Variants in ANAPC7 observed in about 807,000 individuals in gnomAD.
The protein encoded by ANAPC7 is anaphase promoting complex subunit 7.
ANAPC7 carries 25 observed loss-of-function variants against 63.3 expected under a neutral mutation model. The observed-to-expected ratio is 0.39, with a 90% CI of 0.29 to 0.55. The LOEUF (loss-of-function observed/expected upper bound fraction) is 0.55. ANAPC7 is among the 20% of genes least tolerant of loss of function. ANAPC7 has a pLI of 0.57. For synonymous variants in ANAPC7, 241 were observed against 251.7 expected (o/e 0.96, Z 0.40); for missense variants, 516 against 691.7 (o/e 0.75, Z 2.85).
intron 3 of ANAPC7, among the ~76,000 whole-genome samples, chr12:110,390,191 C>G (rs924028942): frequency 4.0e-5 from 6 of 151,824 alleles, no homozygotes; most frequent in African/African-American, 1.5e-4. Flanking sequence ...GCCTCAGCCT[C>G]CTGAGTAGCT....
chr12:110,396,158 A>G, intron 2 of ANAPC7, 108 bp downstream of exon 2: 1 of 960,430 alleles, frequency 1.0e-6, no homozygotes, highest in Non-Finnish European at 1.6e-6. Context: ...CCTGCTGTGC[A>G]GCCTGGTTCC....
intron 1 of ANAPC7, among the ~76,000 whole-genome samples, 166 bp downstream of exon 1, chr12:110,403,361 T>C (rs895345776): frequency 6.6e-6 from 1 of 152,000 alleles, no homozygotes; most frequent in African/African-American, 2.4e-5. Context: ...TGAACCCAAC[T>C]TGCGCTCCGA....
At chr12:110,384,518 T>C (rs1202464171) in intron 6 of ANAPC7, among the ~76,000 whole-genome samples, 1 of 151,220 alleles carries the variant, frequency 6.6e-6, no homozygotes, top group Non-Finnish European at 1.5e-5. Flanking sequence ...AAACCCCATC[T>C]CTACTAAAAA....
chr12:110,392,498 C>T (rs1033884704), intron 3 of ANAPC7, among the ~76,000 whole-genome samples: 2 of 152,140 alleles, frequency 1.3e-5, no homozygotes, highest in Non-Finnish European at 2.9e-5. Flanking sequence ...CAGGAGGATG[C>T]ACCTGTCATT....
At chr12:110,376,254 CA>C in intron 9 of ANAPC7, 38 bp from the exon 10 acceptor site, 1 of 1,605,442 alleles carries the variant, frequency 6.2e-7, no homozygotes, top group Non-Finnish European at 8.5e-7. Flanking sequence ...AAGTCATGTA[CA>C]AAAAAACCAC....
intron 2 of ANAPC7, among the ~76,000 whole-genome samples, chr12:110,395,943 G>T (rs55634798): frequency 0.14 from 20,596 of 152,126 alleles, 1,993 homozygotes; most frequent in African/African-American, 0.28. Context: ...TTCCACAGAT[G>T]GGGGGTGAGG....
In ANAPC7 at chr12:110,376,071, T is replaced by C. The variant is rs1414972533; in HGVS notation, c.1503A>G (p.Ala501=). ...CAAGGGAGGCTAGTGCCTACCTTAGTGCTATACTATACTGGTCCATTGCCT... is the reference window on the plus strand; with the variant it reads ...CAAGGGAGGCTAGTGCCTACCTTAGCGCTATACTATACTGGTCCATTGCCT... The part of the protein sequence containing the change: ...YQEAMDQYSI[A]LSLDPNDQKS... Residue 501 remains alanine (A), a synonymous_variant, in exon 10 of 11, where the codon GCA becomes GCG. Transcript: ENST00000455511. 6.2e-7 allele frequency: 1 copy of C among 1,613,388 alleles called. No individual in the cohort carries two copies. The highest frequency in any genetic ancestry group is 1.1e-5 in the South Asian group (1 of 90,996).
intron 5 of ANAPC7, 192 bp from the exon 6 acceptor site, chr12:110,386,661 C>G: frequency 3.8e-6 from 2 of 530,492 alleles, no homozygotes; most frequent in Non-Finnish European, 6.5e-6. Context: ...AAGAATAAAG[C>G]AGAAGTCTCT....
intron 9 of ANAPC7, among the ~76,000 whole-genome samples, chr12:110,376,973 T>C (rs574126788): frequency 1.3e-5 from 2 of 150,212 alleles, no homozygotes; most frequent in Non-Finnish European, 3.0e-5. Flanking sequence ...AAAAAAATAA[T>C]AAAAAATAAA....
At chr12:110,396,512 G>T in intron 1 of ANAPC7, 60 bp from the exon 2 acceptor site, 1 of 1,355,338 alleles carries the variant, frequency 7.4e-7, no homozygotes, top group Non-Finnish European at 9.9e-7. Context: ...AGCTCCCCCA[G>T]CTTCTTTTTT....
intron 8 of ANAPC7, among the ~76,000 whole-genome samples, chr12:110,380,087 A>G (rs550118191): frequency 6.6e-6 from 1 of 152,352 alleles, no homozygotes; most frequent in African/African-American, 2.4e-5. Flanking sequence ...ACAGTGGTTC[A>G]CGTCTGTAAT....
At position 110,374,060 on chromosome 12, in the gene ANAPC7, T is replaced by A; in HGVS notation, c.*84A>T. On this transcript the variant is annotated 3_prime_UTR_variant, in exon 11 of 11. Transcript: ENST00000455511. ...ATCACATGCTGAATCATTGTCCTTC[T>A]GAGAGCAGGCTCCTACGGTTCCTTC... 7.1e-7 allele frequency: 1 copy of A among 1,417,958 alleles called. No homozygotes were observed. Among genetic ancestry groups the A allele is most frequent in the Non-Finnish European group, 9.4e-7 (1 of 1,066,040 alleles). The allele number at this position is 1,417,958 out of a possible 1,614,324, so 87.8% of individuals were successfully genotyped here.
At chr12:110,396,504 C>T in intron 1 of ANAPC7, 52 bp from the exon 2 acceptor site, 2 of 1,401,490 alleles carry the variant, frequency 1.4e-6, no homozygotes, top group Non-Finnish European at 1.9e-6. Context: ...TCAATCCAAG[C>T]TCCCCCAGCT....
intron 3 of ANAPC7, among the ~76,000 whole-genome samples, chr12:110,389,790 G>A (rs1284459536): frequency 6.6e-6 from 1 of 151,906 alleles, no homozygotes; most frequent in African/African-American, 2.4e-5. Flanking sequence ...AAATTAGCTG[G>A]GCGTGGTGGC....
chr12:110,382,988 G>A lies in ANAPC7; in HGVS notation c.818-28C>T, dbSNP rs764265198. 10 of 1,575,562 alleles carry A rather than the reference G, an allele frequency of 6.3e-6. No homozygotes were observed. The East Asian group carries it at 1.4e-4, about 21-fold the overall frequency. The stretch of plus-strand genomic sequence containing the variant: ...AGAAGAGAAGGACATAGTGAGAAGA[G>A]GTGTTTTAAGAAGAGAAGCAGGGGT... On this transcript the variant is annotated intron_variant, in intron 6 of 10. Transcript: ENST00000455511.
intron 3 of ANAPC7, among the ~76,000 whole-genome samples, chr12:110,394,652 A>G (rs1401092739): frequency 7.9e-6 from 1 of 127,244 alleles, no homozygotes; most frequent in Non-Finnish European, 1.6e-5. Context: ...CTGGGCAACA[A>G]GAGTGAAATT....
Position 110,396,437 on chromosome 12 carries a change from T to C in ANAPC7, c.117A>G (p.Pro39=). ...MSNNNPELFS[P]PQKYQLLVYH... The stretch of plus-strand genomic sequence containing the variant: ...ACACCAAAAGCTGGTACTTCTGAGG[T>C]GGGGAGAATAACTCACTAGAAAACA... The change falls in exon 2 of 11, where the codon CCA becomes CCG. Residue 39 remains proline (P), a synonymous_variant. Transcript: ENST00000455511. 6.2e-7 allele frequency: 1 copy of C among 1,607,494 alleles called. No individual in the cohort carries two copies. Among genetic ancestry groups the C allele is most frequent in the Non-Finnish European group, 8.5e-7 (1 of 1,178,212 alleles).
chr12:110,374,239 C>T lies in ANAPC7; in HGVS notation c.1603G>A (p.Asp535Asn), dbSNP rs1028415202. 2 of 1,614,138 alleles carry T rather than the reference C, an allele frequency of 1.2e-6. No individual in the cohort carries two copies. Among genetic ancestry groups the T allele is most frequent in the Non-Finnish European group, 1.7e-6 (2 of 1,180,044 alleles). The change falls in exon 11 of 11, where the codon GAC becomes AAC. Residue 535 changes from aspartate to asparagine, a missense_variant. This residue lies in a region of ANAPC7 where 122 missense variants were observed against 212.0 expected (regional missense o/e 0.58). Coordinates refer to ENST00000455511, the MANE Select transcript of ANAPC7 (RefSeq NM_016238.3). ...TDATQEEDVD[D>N]MEGSGEEGDL... is the part of the protein sequence containing the mutation. The stretch of plus-strand genomic sequence containing the variant: ...CCTTCTTCCCCACTCCCTTCCATGT[C>T]GTCCACATCCTCCTCCTGAGTGGCA...
chr12:110,393,075 A>T (rs1364268039), intron 3 of ANAPC7, among the ~76,000 whole-genome samples: 5 of 152,148 alleles, frequency 3.3e-5, no homozygotes, highest in Non-Finnish European at 5.9e-5. Flanking sequence ...GATTACAGGC[A>T]TGAGCCACCA....
Sources: gnomAD v4.1 joint callset for allele counts (sites outside exome capture counted in the v4.1 genomes callset) on GRCh38, gnomAD v4.1.1 for gene constraint, gnomAD v4.1.1 regional missense constraint, MANE v1.5 for transcripts, NCBI Gene and HGNC (gene_info 2026-07-23, HGNC 2026-07-21) for gene names.